Variants in ROBO1 observed in about 807,000 individuals in gnomAD.
ROBO1 encodes roundabout homolog 1.
Under a neutral mutation model 195.9 loss-of-function variants are expected in ROBO1, and 149 were observed. The ratio of observed to expected loss-of-function variants is 0.76; its 90% CI spans 0.67 to 0.87. The LOEUF (loss-of-function observed/expected upper bound fraction) is 0.87, where lower values mean the gene tolerates loss of function less well. Among genes scored for constraint, ROBO1 ranks in the 40% least tolerant of loss-of-function variants. The pLI is 0.00. For synonymous variants in ROBO1, 816 were observed against 733.2 expected (o/e 1.11, Z -1.82); for missense variants, 1,933 against 2,068.3 (o/e 0.93, Z 1.27).
At chr3:79,671,969 T>C (rs569942473) in intron 1 of ROBO1, among the ~76,000 whole-genome samples, 1 of 152,104 alleles carries the variant, frequency 6.6e-6, no homozygotes, top group Admixed American at 6.6e-5. Context: ...AACCTAATCA[T>C]GAAATCCTAT....
chr3:79,610,035 ATT>A (rs1944607733), intron 1 of ROBO1, among the ~76,000 whole-genome samples: 2 of 151,902 alleles, frequency 1.3e-5, no homozygotes, highest in Non-Finnish European at 2.9e-5. Flanking sequence ...GTATTCTAAA[ATT>A]ATAAATAGAC....
chr3:79,536,923 GGGT>G (rs892144329), intron 2 of ROBO1, among the ~76,000 whole-genome samples: 3 of 152,144 alleles, frequency 2.0e-5, no homozygotes, highest in Admixed American at 2.0e-4. Flanking sequence ...TAATTTTACA[GGGT>G]TGCTATGGGA....
intron 10 of ROBO1, among the ~76,000 whole-genome samples, chr3:78,682,899 A>G (rs2080960938): frequency 6.6e-6 from 1 of 151,706 alleles, no homozygotes; most frequent in South Asian, 2.1e-4. Flanking sequence ...TAGGTAGATT[A>G]TTTTGAAATT....
rs561462762 is a variant in ROBO1 at position 78,646,797 on chromosome 3, A to G, written c.2840-607T>C. On this transcript the variant is annotated intron_variant, in intron 20 of 30. Coordinates refer to ENST00000464233, the MANE Select transcript of ROBO1 (RefSeq NM_002941.4). ...ATATTTTCATCAGACATGTATAGAT[A>G]ATCAAAATATATTATAATGCTCTTG... 2.0e-4 allele frequency among the ~76,000 whole-genome samples: 30 copies of G among 152,102 alleles called. No homozygotes were observed. The South Asian group carries it at 5.6e-3, about 28-fold the overall frequency.
chr3:78,715,722 G>C (rs2081886666), intron 7 of ROBO1, among the ~76,000 whole-genome samples: 1 of 152,094 alleles, frequency 6.6e-6, no homozygotes. Flanking sequence ...TTTTAGTAGA[G>C]ACAAGGTTTC....
intron 8 of ROBO1, among the ~76,000 whole-genome samples, chr3:78,695,013 A>C (rs2081254124): frequency 6.6e-6 from 1 of 151,668 alleles, no homozygotes; most frequent in South Asian, 2.1e-4. Context: ...CCTAATTTAA[A>C]ATTTTTAATG....
chr3:79,744,508 G>C (rs1484628477), intron 1 of ROBO1, among the ~76,000 whole-genome samples: 1 of 152,148 alleles, frequency 6.6e-6, no homozygotes, highest in African/African-American at 2.4e-5. Flanking sequence ...AATGGGTATA[G>C]CGACTTCATA....
intron 8 of ROBO1, among the ~76,000 whole-genome samples, chr3:78,701,460 A>G (rs1195111793): frequency 6.6e-6 from 1 of 152,210 alleles, no homozygotes. Context: ...ATGCTTTATA[A>G]GCCCCCATCC....
intron 2 of ROBO1, among the ~76,000 whole-genome samples, chr3:79,285,512 C>T (rs1276942466): frequency 1.3e-5 from 2 of 152,184 alleles, no homozygotes; most frequent in Non-Finnish European, 2.9e-5. Flanking sequence ...GCCGGCCCGT[C>T]ATGGTCATGC....
At chr3:79,753,565 A>G (rs1704235040) in intron 1 of ROBO1, among the ~76,000 whole-genome samples, 1 of 152,242 alleles carries the variant, frequency 6.6e-6, no homozygotes, top group South Asian at 2.1e-4. Context: ...TAAGTGTTCT[A>G]CAGACATCAT....
At chr3:79,245,714 T>C (rs1230222953) in intron 2 of ROBO1, among the ~76,000 whole-genome samples, 1 of 151,950 alleles carries the variant, frequency 6.6e-6, no homozygotes, top group Non-Finnish European at 1.5e-5. Flanking sequence ...TTAGGAAAAC[T>C]GCCTGTTCCT....
chr3:79,133,874 C>T (rs1488092860), intron 2 of ROBO1, among the ~76,000 whole-genome samples: 6 of 146,752 alleles, frequency 4.1e-5, no homozygotes, highest in Non-Finnish European at 7.5e-5. Flanking sequence ...TGTAGATGTC[C>T]TTTCTGGTTG....
At position 79,606,586 on chromosome 3, in the gene ROBO1, A is replaced by G. The variant is rs143656193; in HGVS notation, c.-50-16625T>C. ...CACCACTGTGCCCAGCCATTTATGT[A>G]TTACTTAACCTGTTATTCTATCCTA... On this transcript the variant is annotated intron_variant, in intron 1 of 30. Transcript: ENST00000464233. Among the ~76,000 whole-genome samples, 224 of 151,850 alleles carry G rather than the reference A, an allele frequency of 1.5e-3. 2 individuals are homozygous for G. The highest frequency in any genetic ancestry group is 5.1e-3 in the African/African-American group (213 of 41,454).
intron 2 of ROBO1, among the ~76,000 whole-genome samples, chr3:79,485,529 G>A (rs913509876): frequency 6.6e-6 from 1 of 151,990 alleles, no homozygotes; most frequent in Non-Finnish European, 1.5e-5. Context: ...GTTCACTTCT[G>A]TTCTTTTTAG....
intron 2 of ROBO1, among the ~76,000 whole-genome samples, chr3:79,516,567 C>G (rs779894569): frequency 6.6e-6 from 1 of 152,072 alleles, no homozygotes; most frequent in Non-Finnish European, 1.5e-5. Context: ...TGTTTATACA[C>G]AAACAAACAT....
intron 2 of ROBO1, among the ~76,000 whole-genome samples, chr3:79,459,972 A>T (rs1426208640): frequency 1.3e-5 from 2 of 152,140 alleles, no homozygotes; most frequent in Non-Finnish European, 2.9e-5. Flanking sequence ...AGGATTTTAT[A>T]ATTTTTCTTT....
At chr3:78,860,322 A>ATTT (rs1459743709) in intron 4 of ROBO1, among the ~76,000 whole-genome samples, 3 of 73,890 alleles carry the variant, frequency 4.1e-5, no homozygotes, top group Admixed American at 1.4e-4. Flanking sequence ...ATATATATAT[A>ATTT]TATATTTTTT....
chr3:78,741,030 T>A (rs1205056590), intron 5 of ROBO1, among the ~76,000 whole-genome samples: 1 of 152,182 alleles, frequency 6.6e-6, no homozygotes, highest in Non-Finnish European at 1.5e-5. Flanking sequence ...TGATTTATGA[T>A]CTTATTTTTA....
intron 18 of ROBO1, 43 bp from the exon 19 acceptor site, chr3:78,651,972 G>A: frequency 6.8e-7 from 1 of 1,464,254 alleles, no homozygotes; most frequent in Non-Finnish European, 9.5e-7. Flanking sequence ...AAGACTCAAT[G>A]CAATAATGCA....
Sources: gnomAD v4.1 joint callset for allele counts (sites outside exome capture counted in the v4.1 genomes callset) on GRCh38, gnomAD v4.1.1 for gene constraint, MANE v1.5 for transcripts, NCBI Gene and HGNC (gene_info 2026-07-23, HGNC 2026-07-21) for gene names.